Variants in TPH2 observed in about 807,000 individuals in gnomAD.
TPH2 encodes the protein tryptophan hydroxylase 2.
A neutral mutation model predicts 59.1 loss-of-function variants in TPH2; 27 were observed. The ratio of observed to expected loss-of-function variants is 0.46; its 90% CI spans 0.34 to 0.63. The LOEUF (loss-of-function observed/expected upper bound fraction) is 0.63, where lower values mean the gene tolerates loss of function less well. Among genes scored for constraint, TPH2 ranks in the 30% least tolerant of loss-of-function variants. The probability of loss-of-function intolerance (pLI) is 0.01; values close to 1 mark genes in which losing one functional copy is unlikely to be tolerated. For missense variants in TPH2, 523 were observed against 588.3 expected (o/e 0.89, Z 1.15); for synonymous variants, 220 against 210.5 (o/e 1.05, Z -0.39).
chr12:71,955,777 T>A (rs772767852), intron 5 of TPH2, among the ~76,000 whole-genome samples: 4 of 152,312 alleles, frequency 2.6e-5, no homozygotes, highest in Non-Finnish European at 5.9e-5. Flanking sequence ...ATGCTCCAAA[T>A]CATTTTATTA....
At position 71,988,106 on chromosome 12, in the gene TPH2, C is replaced by T. The variant is rs148266827; in HGVS notation, c.942-6333C>T. 1.6e-3 allele frequency among the ~76,000 whole-genome samples: 241 copies of T among 152,188 alleles called. 1 individual carries two copies. The highest frequency in any genetic ancestry group is 5.5e-3 in the African/African-American group (228 of 41,500). On this transcript the variant is annotated intron_variant, in intron 7 of 10. Transcript: ENST00000333850. ...AACATTTTTATCATTGCAGACAGTC[C>T]GATTGCACAGTGCTGCTCTAAGTAA...
chr12:72,010,681 G>C (rs900472135), intron 8 of TPH2, among the ~76,000 whole-genome samples: 2 of 152,144 alleles, frequency 1.3e-5, no homozygotes, highest in Non-Finnish European at 2.9e-5. Context: ...ATGTCTAGGA[G>C]GGTGTTGCTT....
At chr12:71,961,687 T>A (rs753085447) in intron 5 of TPH2, 2 of 1,350,700 alleles carry the variant, frequency 1.5e-6, no homozygotes, top group Admixed American at 1.9e-5. Context: ...GTTGTTGCTG[T>A]TGATATTTAA....
Position 72,031,716 on chromosome 12 carries a change from C to T in TPH2, c.*21C>T, listed in dbSNP as rs1289224029. On this transcript the variant is annotated 3_prime_UTR_variant, in exon 11 of 11. Transcript: ENST00000333850. ...TTTGATGCCTGGAACTATGTTGTTG[C>T]CAGCATGATCTTTTTGGGGCTTAGC... is the stretch of plus-strand genomic sequence containing the variant. 1 of 1,612,952 alleles carries T rather than the reference C, an allele frequency of 6.2e-7. No individual in the cohort carries two copies. Among genetic ancestry groups the T allele is most frequent in the South Asian group, 1.1e-5 (1 of 91,040 alleles).
intron 8 of TPH2, among the ~76,000 whole-genome samples, chr12:72,010,461 C>T (rs144173485): frequency 6.6e-6 from 1 of 152,156 alleles, no homozygotes; most frequent in African/African-American, 2.4e-5. Context: ...GATGATGATG[C>T]TAGTGGTGAT....
intron 8 of TPH2, among the ~76,000 whole-genome samples, chr12:72,015,315 G>GTTTTTTTTTTTT (rs869231666): frequency 7.1e-5 from 7 of 98,974 alleles, no homozygotes; most frequent in Non-Finnish European, 1.2e-4. Context: ...TTTTTTGGTT[G>GTTTTTTTTTTTT]TTTTTTTTTT....
At position 71,989,938 on chromosome 12, in the gene TPH2, A is replaced by G. The variant is rs1259674066; in HGVS notation, c.942-4501A>G. ...GAGCAGCAAAAGTTTAGTGTCTGAT[A>G]TCAGCTCTTGGTTTTTTTTTTTTTT... On this transcript the variant is annotated intron_variant, in intron 7 of 10. Coordinates refer to ENST00000333850, the MANE Select transcript of TPH2 (RefSeq NM_173353.4). 2.2e-5 allele frequency among the ~76,000 whole-genome samples: 3 copies of G among 136,224 alleles called. No individual in the cohort carries two copies. In the East Asian group the frequency reaches 6.8e-4, roughly 31 times the overall value. 89.4% of individuals were successfully genotyped at this position (136,224 alleles called of 152,430 possible).
At chr12:71,951,907 C>T (rs757722952) in intron 5 of TPH2, among the ~76,000 whole-genome samples, 1 of 152,122 alleles carries the variant, frequency 6.6e-6, no homozygotes, top group Non-Finnish European at 1.5e-5. Context: ...TGCCTGTAAT[C>T]CCAGCTACTT....
intron 6 of TPH2, among the ~76,000 whole-genome samples, chr12:71,978,676 G>C (rs917213116): frequency 3.3e-5 from 5 of 151,940 alleles, no homozygotes. Flanking sequence ...ATCCTAATTG[G>C]GCTTCTGAAT....
intron 8 of TPH2, among the ~76,000 whole-genome samples, chr12:72,016,740 T>A (rs1399822365): frequency 6.6e-6 from 1 of 152,198 alleles, no homozygotes; most frequent in Non-Finnish European, 1.5e-5. Flanking sequence ...GGAAAATATA[T>A]CACTCAGTCA....
chr12:71,972,791 GCTCTTTTTCC>G, intron 6 of TPH2, 76 bp downstream of exon 6: 1 of 1,452,770 alleles, frequency 6.9e-7, no homozygotes, highest in Admixed American at 1.9e-5. Context: ...TGCAGCAATG[GCTCTTTTTCC>G]AAAAAAGGAA....
chr12:72,022,718 C>T lies in TPH2; in HGVS notation c.1164+224C>T, dbSNP rs114762413. On this transcript the variant is annotated intron_variant, in intron 9 of 10. Coordinates refer to ENST00000333850, the MANE Select transcript of TPH2 (RefSeq NM_173353.4). Reference sequence around the variant, plus strand: ...TGTGACTCAAATGGATGAGCAGCCACGTGTACAAATCAACAGCAATGACAA... The same window carrying T: ...TGTGACTCAAATGGATGAGCAGCCATGTGTACAAATCAACAGCAATGACAA... 1.7e-3 allele frequency among the ~76,000 whole-genome samples: 265 copies of T among 152,326 alleles called. 2 individuals carry two copies. Among genetic ancestry groups the T allele is most frequent in the African/African-American group, 6.1e-3 (254 of 41,562 alleles).
chr12:71,991,592 G>C (rs541285696), intron 7 of TPH2, among the ~76,000 whole-genome samples: 1 of 152,270 alleles, frequency 6.6e-6, no homozygotes, highest in South Asian at 2.1e-4. Flanking sequence ...GAGCCACAAT[G>C]GAGGTTTTCA....
At chr12:72,002,794 T>C (rs546704983) in intron 8 of TPH2, among the ~76,000 whole-genome samples, 8 of 152,118 alleles carry the variant, frequency 5.3e-5, no homozygotes, top group African/African-American at 1.9e-4. Context: ...GTCAGGAAAT[T>C]AATAATACAG....
chr12:71,968,521 C>G (rs140770149), intron 5 of TPH2, among the ~76,000 whole-genome samples: 2 of 152,360 alleles, frequency 1.3e-5, no homozygotes, highest in East Asian at 1.9e-4. Context: ...CAGACACTCT[C>G]CCAGGGACTG....
chr12:72,021,417 C>T (rs926651386), intron 8 of TPH2, among the ~76,000 whole-genome samples: 2 of 149,376 alleles, frequency 1.3e-5, no homozygotes, highest in East Asian at 2.0e-4. Flanking sequence ...AACATCCGCC[C>T]CACTGCTTTC....
chr12:72,008,610 A>G (rs1006548106), intron 8 of TPH2, among the ~76,000 whole-genome samples: 1 of 152,210 alleles, frequency 6.6e-6, no homozygotes, highest in African/African-American at 2.4e-5. Context: ...TCGGTGCTTA[A>G]TACAATTTTG....
At chr12:72,013,370 G>A (rs539172282) in intron 8 of TPH2, among the ~76,000 whole-genome samples, 18 of 152,062 alleles carry the variant, frequency 1.2e-4, no homozygotes, top group African/African-American at 2.2e-4. Context: ...CATCTCTGCC[G>A]GTCTCAGTGT....
intron 8 of TPH2, among the ~76,000 whole-genome samples, chr12:72,008,670 A>T (rs114037432): frequency 0.013 from 1,953 of 152,284 alleles, 33 homozygotes; most frequent in African/African-American, 0.044. Context: ...AGGCTCAGAC[A>T]AATTAAATGT....
Sources: gnomAD v4.1 joint callset for allele counts (sites outside exome capture counted in the v4.1 genomes callset) on GRCh38, gnomAD v4.1.1 for gene constraint, MANE v1.5 for transcripts, NCBI Gene and HGNC (gene_info 2026-07-23, HGNC 2026-07-21) for gene names.